Variants in CDK1 observed in about 807,000 individuals in gnomAD.
CDK1 encodes the protein cyclin dependent kinase 1.
Under a neutral mutation model 34.6 loss-of-function variants are expected in CDK1, and 5 were observed. The ratio of observed to expected loss-of-function variants is 0.14; its 90% confidence interval spans 0.08 to 0.30. The LOEUF (loss-of-function observed/expected upper bound fraction) is 0.30, where lower values mean the gene tolerates loss of function less well. CDK1 is among the 10% of genes least tolerant of loss of function. The pLI, the probability that CDK1 is intolerant of heterozygous loss-of-function variation, is 1.00. For missense variants in CDK1, 157 were observed against 345.7 expected (o/e 0.45, Z 4.33); for synonymous variants, 108 against 114.7 (o/e 0.94, Z 0.37).
chr10:60,787,975 C>T (rs945953893), intron 4 of CDK1, 85 bp from the exon 5 acceptor site: 38 of 683,308 alleles, frequency 5.6e-5, no homozygotes, highest in Non-Finnish European at 7.7e-5. Context: ...TATTTCTCTG[C>T]GTCCTAATTT....
intron 5 of CDK1, among the ~76,000 whole-genome samples, chr10:60,791,425 A>G (rs2080359101): frequency 6.6e-6 from 1 of 152,118 alleles, no homozygotes; most frequent in Admixed American, 6.5e-5. Context: ...GTTTTTCTAT[A>G]TATAAGATCA....
chr10:60,792,361 TAGAAA>T, intron 7 of CDK1, 72 bp downstream of exon 7: 1 of 1,358,078 alleles, frequency 7.4e-7, no homozygotes, highest in Non-Finnish European at 1.0e-6. Context: ...TTGTTTTGCC[TAGAAA>T]ATAGGAAGAA....
At chr10:60,787,694 GAA>G (rs1375912691) in intron 4 of CDK1, 1 of 140,408 alleles carries the variant, frequency 7.1e-6, no homozygotes, top group Non-Finnish European at 1.6e-5. Context: ...ATGAAAGATA[GAA>G]AAGGCCAACT....
At chr10:60,789,510 G>A (rs898336007) in intron 5 of CDK1, among the ~76,000 whole-genome samples, 1 of 152,116 alleles carries the variant, frequency 6.6e-6, no homozygotes, top group Non-Finnish European at 1.5e-5. Context: ...CTTATTTCAT[G>A]GCTCATCCTT....
Position 60,793,990 on chromosome 10 carries a change from GT to G in CDK1, c.*18del. On this transcript the variant is annotated 3_prime_UTR_variant, in exon 8 of 8. Transcript: ENST00000395284. ...AGAAGATGTAGCTTTCTGACAAAAA[GT>G]TTCCATATGTTATATCAACAGATAG... is the stretch of plus-strand genomic sequence containing the variant. 1 of 1,239,428 alleles carries G rather than the reference GT, an allele frequency of 8.1e-7. No individual in the cohort carries two copies. 76.8% of individuals were successfully genotyped at this position (1,239,428 alleles called of 1,614,324 possible).
chr10:60,789,882 G>A (rs555521532), intron 5 of CDK1, among the ~76,000 whole-genome samples: 1 of 152,268 alleles, frequency 6.6e-6, no homozygotes, highest in South Asian at 2.1e-4. Context: ...TGCGTAAAAA[G>A]TTGCCCTTTC....
chr10:60,779,430 T>G (rs1421384368), intron 1 of CDK1, among the ~76,000 whole-genome samples: 1 of 152,202 alleles, frequency 6.6e-6, no homozygotes, highest in Non-Finnish European at 1.5e-5. Context: ...TATACCGTTT[T>G]TCTGCTTAGT....
At chr10:60,779,039 G>C (rs2080249299) in intron 1 of CDK1, among the ~76,000 whole-genome samples, 1 of 152,358 alleles carries the variant, frequency 6.6e-6, no homozygotes, top group East Asian at 1.9e-4. Context: ...CCTAGAGCCA[G>C]GCCGCCCTGA....
At chr10:60,785,173 C>G (rs1219668109) in intron 3 of CDK1, among the ~76,000 whole-genome samples, 1 of 152,076 alleles carries the variant, frequency 6.6e-6, no homozygotes, top group East Asian at 1.9e-4. Flanking sequence ...GCTCTAGTTC[C>G]TGAAGACCCT....
chr10:60,780,406 C>T (rs1287518197), intron 2 of CDK1, among the ~76,000 whole-genome samples: 1 of 152,108 alleles, frequency 6.6e-6, no homozygotes, highest in Non-Finnish European at 1.5e-5. Flanking sequence ...CCCTAATGAC[C>T]GTTCGCCTCA....
chr10:60,783,501 CAT>C (rs1175946338), intron 2 of CDK1: 1 of 152,108 alleles, frequency 6.6e-6, no homozygotes, highest in East Asian at 1.9e-4. Context: ...CAGAGAAACT[CAT>C]AAAAGCTATA....
At chr10:60,792,401 CTG>C in intron 7 of CDK1, 112 bp downstream of exon 7, 1 of 904,004 alleles carries the variant, frequency 1.1e-6, no homozygotes, top group Non-Finnish European at 1.7e-6. Context: ...AGCTAGGTGT[CTG>C]TTATGTACAT....
At chr10:60,786,756 A>G (rs1265473002) in intron 4 of CDK1, 12 of 530,964 alleles carry the variant, frequency 2.3e-5, no homozygotes, top group Non-Finnish European at 2.6e-5. Flanking sequence ...TATGTGAAAA[A>G]GGCATATTAA....
At chr10:60,786,035 A>C (rs567245939) in intron 4 of CDK1, 1 of 1,096,700 alleles carries the variant, frequency 9.1e-7, no homozygotes, top group Non-Finnish European at 1.1e-6. Flanking sequence ...GTTGGAAGCT[A>C]GGGTAGTCTG....
chr10:60,787,976 G>A lies in CDK1; in HGVS notation c.319-84G>A, dbSNP rs376957940. The A allele has an allele frequency of 9.0e-5, 62 of 691,996 alleles. 1 individual carries two copies. Among genetic ancestry groups the A allele is most frequent in the East Asian group, 2.8e-4 (10 of 36,304 alleles). 42.9% of individuals were successfully genotyped at this position (691,996 alleles called of 1,614,324 possible). A position where few individuals can be genotyped will look rare whatever the true frequency, so the allele number is the denominator to read the frequency against. On this transcript the variant is annotated intron_variant, in intron 4 of 7. Coordinates refer to ENST00000395284, the MANE Select transcript of CDK1 (RefSeq NM_001786.5). ...TCTAGTAATTAAATTATTTCTCTGC[G>A]TCCTAATTTTTTGTCTTTGAAACAG...
chr10:60,785,070 A>G (rs977550229), intron 3 of CDK1, among the ~76,000 whole-genome samples: 5 of 152,202 alleles, frequency 3.3e-5, no homozygotes, highest in South Asian at 4.1e-4. Flanking sequence ...TGGGTGATGT[A>G]GATTAATATT....
At chr10:60,791,832 A>T (rs1459630434) in intron 5 of CDK1, 58 bp from the exon 6 acceptor site, 10 of 886,570 alleles carry the variant, frequency 1.1e-5, no homozygotes, top group Non-Finnish European at 1.8e-5. Context: ...ATAAATGTTT[A>T]AGTGTAGGTA....
At chr10:60,789,592 G>A (rs72811871) in intron 5 of CDK1, among the ~76,000 whole-genome samples, 232 of 152,166 alleles carry the variant, frequency 1.5e-3, no homozygotes, top group Non-Finnish European at 2.5e-3. Flanking sequence ...TTGCGTGCAC[G>A]TATGTGTGTG....
chr10:60,788,044 T>C lies in CDK1; in HGVS notation c.319-16T>C, dbSNP rs2080330700. On this transcript the variant is annotated splice_polypyrimidine_tract_variant and intron_variant, in intron 4 of 7. Transcript: ENST00000395284. ...GTACTTCGCTTAAGTTTCTAACTTTTACTTGCTTTTTCCAGAGTTATTTAT... is the reference window on the plus strand; with the variant it reads ...GTACTTCGCTTAAGTTTCTAACTTTCACTTGCTTTTTCCAGAGTTATTTAT... The C allele has an allele frequency of 1.5e-6, 2 of 1,320,704 alleles. No homozygotes were observed. Among genetic ancestry groups the C allele is most frequent in the African/African-American group, 1.5e-5 (1 of 66,300 alleles). The allele number at this position is 1,320,704 out of a possible 1,614,324, so 81.8% of individuals were successfully genotyped here. A position where few individuals can be genotyped will look rare whatever the true frequency, so the allele number is the denominator to read the frequency against.
Sources: gnomAD v4.1 joint callset for allele counts (sites outside exome capture counted in the v4.1 genomes callset) on GRCh38, gnomAD v4.1.1 for gene constraint, MANE v1.5 for transcripts, NCBI Gene and HGNC (gene_info 2026-07-23, HGNC 2026-07-21) for gene names.